The following EYS variants were observed in gnomAD, a reference collection of about 807,000 sequenced individuals.
The protein encoded by EYS is protein eyes shut homolog.
Under a neutral mutation model 282.1 loss-of-function variants are expected in EYS, and 250 were observed. That is an observed-to-expected ratio of 0.89 (90% confidence interval 0.80 to 0.98). The LOEUF (loss-of-function observed/expected upper bound fraction) is 0.98. Among genes scored for constraint, EYS ranks in the 50% least tolerant of loss-of-function variants. The probability of loss-of-function intolerance (pLI) is 0.00; values close to 1 mark genes in which losing one functional copy is unlikely to be tolerated. For synonymous variants in EYS, 1,355 were observed against 1,282.9 expected, an observed-to-expected ratio of 1.06 and a Z score of -1.20; for missense variants, 4,016 against 3,709.0, an observed-to-expected ratio of 1.08 and a Z score of -2.15.
intron 29 of EYS, among the ~76,000 whole-genome samples, chr6:64,354,439 A>G (rs1010820564): frequency 5.3e-5 from 8 of 151,554 alleles, no homozygotes; most frequent in African/African-American, 1.9e-4. Flanking sequence ...TAGGTGGGTA[A>G]GTAAAAGTGA....
At chr6:65,186,399 G>T (rs1358085521) in intron 12 of EYS, among the ~76,000 whole-genome samples, 2 of 151,738 alleles carry the variant, frequency 1.3e-5, no homozygotes, top group Non-Finnish European at 2.9e-5. Flanking sequence ...CTAGTGCAAT[G>T]GTAATGAAAT....
intron 5 of EYS, among the ~76,000 whole-genome samples, chr6:65,442,976 A>G (rs537359192): frequency 6.6e-6 from 1 of 151,760 alleles, no homozygotes; most frequent in East Asian, 1.9e-4. Context: ...ATATATGTAT[A>G]TATACATATG....
chr6:64,004,910 T>C (rs1247684373), intron 33 of EYS, among the ~76,000 whole-genome samples: 2 of 152,300 alleles, frequency 1.3e-5, no homozygotes, highest in East Asian at 1.9e-4. Flanking sequence ...TTGTGAATAG[T>C]GCTGTGATGA....
At chr6:63,721,905 T>G (rs1382506513) in intron 42 of EYS, 108 bp from the exon 43 acceptor site, 23 of 975,148 alleles carry the variant, frequency 2.4e-5, no homozygotes, top group Non-Finnish European at 3.4e-5. Flanking sequence ...GGGAAAAAAG[T>G]AACAGATCTT....
intron 11 of EYS, among the ~76,000 whole-genome samples, chr6:65,322,251 C>T (rs527709544): frequency 3.3e-5 from 5 of 152,154 alleles, no homozygotes; most frequent in Non-Finnish European, 7.4e-5. Context: ...GAGGAAAGCA[C>T]GGTTCACCTT....
At chr6:65,443,217 T>C (rs1311573712) in intron 5 of EYS, among the ~76,000 whole-genome samples, 2 of 151,806 alleles carry the variant, frequency 1.3e-5, no homozygotes, top group Non-Finnish European at 2.9e-5. Flanking sequence ...GTATGCATCA[T>C]ATACACATGT....
At chr6:63,936,530 C>T (rs1388005275) in intron 35 of EYS, among the ~76,000 whole-genome samples, 1 of 152,208 alleles carries the variant, frequency 6.6e-6, no homozygotes, top group Admixed American at 6.5e-5. Context: ...GCTTATCCTA[C>T]ACATGACTGC....
chr6:65,110,624 C>T (rs1254517896), intron 12 of EYS, among the ~76,000 whole-genome samples: 1 of 151,334 alleles, frequency 6.6e-6, no homozygotes, highest in Non-Finnish European at 1.5e-5. Flanking sequence ...CTCTCTGTGG[C>T]TTTTTTTTAA....
intron 26 of EYS, among the ~76,000 whole-genome samples, chr6:64,526,561 C>G (rs971073297): frequency 5.9e-5 from 9 of 151,732 alleles, no homozygotes; most frequent in African/African-American, 2.2e-4. Flanking sequence ...ATCTCTGTTA[C>G]ATTATTATGT....
intron 12 of EYS, among the ~76,000 whole-genome samples, chr6:65,138,992 A>C (rs1327096777): frequency 6.6e-6 from 1 of 152,152 alleles, no homozygotes; most frequent in Non-Finnish European, 1.5e-5. Context: ...GTGGGAATGT[A>C]AACTAGTTCA....
chr6:65,504,310 A>T (rs1316330939), intron 2 of EYS, among the ~76,000 whole-genome samples: 1 of 151,676 alleles, frequency 6.6e-6, no homozygotes, highest in African/African-American at 2.4e-5. Flanking sequence ...TCCTGGACCC[A>T]TGCTATACTG....
rs571171734 is a variant in EYS, at chr6:65,315,170, G to A, written c.1767-19051C>T. 7.6e-4 allele frequency among the ~76,000 whole-genome samples: 116 copies of A among 152,234 alleles called. 1 individual carries two copies. The highest frequency in any genetic ancestry group is 3.4e-3 in the Middle Eastern group (1 of 294). On this transcript the variant is annotated intron_variant, in intron 11 of 42. Coordinates refer to ENST00000503581, the MANE Select transcript of EYS (RefSeq NM_001142800.2). ...CTGCATGTCAAATCTGAGGTCCAGT[G>A]TAATAGACTGTTTTACCACTTCTAT...
intron 12 of EYS, among the ~76,000 whole-genome samples, chr6:65,209,021 T>A (rs1490892068): frequency 1.3e-5 from 2 of 151,898 alleles, no homozygotes. Context: ...TGAAAATACT[T>A]GCAAATACAA....
chr6:64,097,394 C>T (rs1430353798), intron 31 of EYS, among the ~76,000 whole-genome samples: 2 of 152,156 alleles, frequency 1.3e-5, no homozygotes, highest in East Asian at 1.9e-4. Flanking sequence ...GCTGCGGTGG[C>T]CTCCACCCAG....
intron 29 of EYS, among the ~76,000 whole-genome samples, chr6:64,349,073 T>C (rs1330365035): frequency 1.3e-5 from 2 of 151,396 alleles, no homozygotes; most frequent in Non-Finnish European, 3.0e-5. Context: ...TATATAAAAA[T>C]GACATTAAAA....
chr6:65,529,384 G>A (rs1455023496), intron 2 of EYS, among the ~76,000 whole-genome samples: 1 of 152,268 alleles, frequency 6.6e-6, no homozygotes, highest in South Asian at 2.1e-4. Context: ...CAAAGAATGT[G>A]AAGAAAGATC....
intron 36 of EYS, among the ~76,000 whole-genome samples, chr6:63,806,641 C>A (rs1398256029): frequency 6.6e-6 from 1 of 152,154 alleles, no homozygotes; most frequent in Non-Finnish European, 1.5e-5. Context: ...AAAAAGCAAA[C>A]CCCTATATTT....
chr6:64,249,188 T>C (rs1236213735), intron 30 of EYS, among the ~76,000 whole-genome samples: 1 of 151,520 alleles, frequency 6.6e-6, no homozygotes, highest in Non-Finnish European at 1.5e-5. Context: ...GAAAATACAG[T>C]ATATATAGCC....
intron 35 of EYS, among the ~76,000 whole-genome samples, chr6:63,908,327 A>T (rs1254265035): frequency 2.0e-5 from 3 of 152,114 alleles, no homozygotes; most frequent in Non-Finnish European, 4.4e-5. Context: ...GCTGATGAGG[A>T]TGCAGAGAAA....
Sources: gnomAD v4.1 joint callset for allele counts (sites outside exome capture counted in the v4.1 genomes callset) on GRCh38, gnomAD v4.1.1 for gene constraint, MANE v1.5 for transcripts, NCBI Gene and HGNC (gene_info 2026-07-23, HGNC 2026-07-21) for gene names.